The following DYSF variants were observed in gnomAD, a reference collection of about 807,000 sequenced individuals.
The protein encoded by DYSF is dysferlin.
A neutral mutation model predicts 274.9 loss-of-function variants in DYSF; 212 were observed. That is an observed-to-expected ratio of 0.77 (90% CI 0.69 to 0.86). The LOEUF (loss-of-function observed/expected upper bound fraction) is 0.86. Among genes scored for constraint, DYSF ranks in the 40% least tolerant of loss-of-function variants. The probability of loss-of-function intolerance (pLI) is 0.00; values close to 1 mark genes in which losing one functional copy is unlikely to be tolerated. For missense variants in DYSF, 2,666 were observed against 2,783.2 expected, an observed-to-expected ratio of 0.96 and a Z score of 0.95; for synonymous variants, 1,091 against 1,078.7, an observed-to-expected ratio of 1.01 and a Z score of -0.22.
intron 35 of DYSF, among the ~76,000 whole-genome samples, chr2:71,602,063 T>C (rs919277209): frequency 6.6e-6 from 1 of 152,204 alleles, no homozygotes; most frequent in Non-Finnish European, 1.5e-5. Context: ...CAAGACCTCA[T>C]TTTCTTTCCT....
chr2:71,622,019 T>C (rs2094114180), intron 41 of DYSF, among the ~76,000 whole-genome samples: 1 of 141,404 alleles, frequency 7.1e-6, no homozygotes, highest in African/African-American at 2.5e-5. Flanking sequence ...AACTTTTAAC[T>C]ACTCCCTATC....
At chr2:71,629,492 T>C (rs528332534) in intron 41 of DYSF, among the ~76,000 whole-genome samples, 4 of 152,340 alleles carry the variant, frequency 2.6e-5, no homozygotes, top group Admixed American at 2.6e-4. Context: ...TGTGAACTCA[T>C]GTTCCTTGGA....
intron 51 of DYSF, among the ~76,000 whole-genome samples, chr2:71,670,678 G>T (rs888011883): frequency 1.3e-5 from 2 of 152,178 alleles, no homozygotes; most frequent in Admixed American, 6.5e-5. Flanking sequence ...CTCATCTGGG[G>T]CGTCAACTTT....
intron 12 of DYSF, among the ~76,000 whole-genome samples, chr2:71,524,346 T>C (rs975597882): frequency 2.0e-5 from 3 of 152,254 alleles, no homozygotes; most frequent in African/African-American, 7.2e-5. Flanking sequence ...TCTTGCCTAG[T>C]ACGGCAGGTC....
intron 13 of DYSF, 75 bp downstream of exon 13, chr2:71,526,421 C>CTTTGGGG: frequency 1.1e-5 from 3 of 272,068 alleles, no homozygotes; most frequent in Non-Finnish European, 1.3e-5. Flanking sequence ...TGGGCGATGG[C>CTTTGGGG]GGGCGGGGTC....
At chr2:71,500,337 G>A (rs1231383232) in intron 3 of DYSF, among the ~76,000 whole-genome samples, 4 of 152,242 alleles carry the variant, frequency 2.6e-5, no homozygotes, top group East Asian at 3.9e-4. Flanking sequence ...CTTACACTGC[G>A]GGAGAGGCAG....
intron 10 of DYSF, among the ~76,000 whole-genome samples, chr2:71,518,255 ATTTT>A (rs71402988): frequency 1.9e-3 from 261 of 138,832 alleles, no homozygotes; most frequent in African/African-American, 6.0e-3. Flanking sequence ...GACCTGTATG[ATTTT>A]TTTTTTTTTT....
chr2:71,656,193 C>T lies in DYSF; in HGVS notation c.4658C>T (p.Ala1553Val). ...VYDTQLENVE[A>V]FEGLSDFCNT... ...GACACACAGCTGGAGAATGTGGAGG[C>T]CTTTGAGGGCCTGTCTGACTTTTGT... is the stretch of plus-strand genomic sequence containing the variant. Residue 1553 changes from alanine (A) to valine (V), a missense_variant, in exon 43 of 56, where the codon GCC becomes GTC. By Grantham distance (64) the Ala-to-Val change is moderately conservative (BLOSUM62 0). Around this residue, in one of 3 missense-constraint regions of DYSF, gnomAD observed 1,460 missense variants for 1,502.1 expected, o/e 0.97. Coordinates refer to ENST00000410020, the MANE Select transcript of DYSF (RefSeq NM_001130987.2). 6.2e-7 allele frequency: 1 copy of T among 1,614,162 alleles called. No homozygotes were observed. Among genetic ancestry groups the T allele is most frequent in the South Asian group, 1.1e-5 (1 of 91,080 alleles).
chr2:71,553,752 A>AAACCCCCCCCCCCCCACCACCGG, intron 20 of DYSF, 55 bp from the exon 21 acceptor site: 1 of 267,804 alleles, frequency 3.7e-6, no homozygotes, highest in Non-Finnish European at 6.7e-6. Flanking sequence ...TTAGCACCCC[A>AAACCCCCCCCCCCCCACCACCGG]TCCCACCCGC....
intron 41 of DYSF, among the ~76,000 whole-genome samples, chr2:71,622,114 T>C (rs2152897001): frequency 6.9e-6 from 1 of 145,210 alleles, no homozygotes; most frequent in Admixed American, 7.1e-5. Flanking sequence ...TATATGTCCA[T>C]TCAGATGATT....
At chr2:71,584,372 TCCTTCCCCTCCTCCAGGAAG>T (rs1558538305) in intron 30 of DYSF, among the ~76,000 whole-genome samples, 2 of 152,104 alleles carry the variant, frequency 1.3e-5, no homozygotes, top group Admixed American at 1.3e-4. Context: ...TCCAGCACCC[TCCTTCCCCTCCTCCAGGAAG>T]CCTTCCTGAA....
intron 7 of DYSF, among the ~76,000 whole-genome samples, 164 bp from the exon 8 acceptor site, chr2:71,515,458 GA>G (rs1177768548): frequency 1.3e-5 from 2 of 152,172 alleles, no homozygotes; most frequent in African/African-American, 2.4e-5. Context: ...GCCTTGGTGG[GA>G]AAATATGATA....
chr2:71,560,873 G>A (rs946185518), intron 22 of DYSF, among the ~76,000 whole-genome samples: 3 of 152,108 alleles, frequency 2.0e-5, no homozygotes, highest in African/African-American at 7.2e-5. Flanking sequence ...GGTGGGGGCA[G>A]GGCAGCCCCC....
intron 42 of DYSF, among the ~76,000 whole-genome samples, chr2:71,647,498 G>A (rs1453609120): frequency 6.6e-6 from 1 of 152,184 alleles, no homozygotes; most frequent in Non-Finnish European, 1.5e-5. Context: ...GCATAAGTCA[G>A]CATTTTTCCC....
chr2:71,611,176 T>C, intron 36 of DYSF, 69 bp from the exon 37 acceptor site: 2 of 1,170,276 alleles, frequency 1.7e-6, no homozygotes, highest in Non-Finnish European at 2.6e-6. Flanking sequence ...CTATCTGTCC[T>C]TCTCTCTTGT....
chr2:71,516,749 C>T lies in DYSF; in HGVS notation c.952-240C>T, dbSNP rs188200980. On this transcript the variant is annotated intron_variant, in intron 9 of 55. Coordinates refer to ENST00000410020, the MANE Select transcript of DYSF (RefSeq NM_001130987.2). ...GAGTGGATTCCAGCTCTGTCTATGC[C>T]GTGTAGGGATTGTGTTTTCTGTACA... is the stretch of plus-strand genomic sequence containing the variant. 1.1e-3 allele frequency among the ~76,000 whole-genome samples: 173 copies of T among 152,242 alleles called. 4 individuals are homozygous for T. The highest frequency in any genetic ancestry group is 3.2e-4 in the Non-Finnish European group (22 of 68,016).
At chr2:71,585,002 C>T (rs2093018054) in intron 30 of DYSF, among the ~76,000 whole-genome samples, 1 of 152,168 alleles carries the variant, frequency 6.6e-6, no homozygotes. Flanking sequence ...AAACCAGGTA[C>T]CTGCCAAGGA....
Position 71,682,521 on chromosome 2 carries a change from C to G in DYSF, c.6174-9C>G, listed in dbSNP as rs201070766. 2 of 1,614,104 alleles carry G rather than the reference C, an allele frequency of 1.2e-6. No individual in the cohort carries two copies. The highest frequency in any genetic ancestry group is 8.5e-7 in the Non-Finnish European group (1 of 1,180,012). On this transcript the variant is annotated splice_polypyrimidine_tract_variant and intron_variant, in intron 54 of 55. Coordinates refer to ENST00000410020, the MANE Select transcript of DYSF (RefSeq NM_001130987.2). ...GATGCCCAGTTGACCTCCGGGATCT[C>G]GCTTCCAGGCGCCCCGACACCTCCT...
At chr2:71,524,739 C>A (rs1404085586) in intron 12 of DYSF, among the ~76,000 whole-genome samples, 1 of 152,256 alleles carries the variant, frequency 6.6e-6, no homozygotes, top group Non-Finnish European at 1.5e-5. Context: ...AGGGCCTCTG[C>A]ATGAGTTGCC....
Sources: gnomAD v4.1 joint callset for allele counts (sites outside exome capture counted in the v4.1 genomes callset) on GRCh38, gnomAD v4.1.1 for gene constraint, gnomAD v4.1.1 regional missense constraint, MANE v1.5 for transcripts, NCBI Gene and HGNC (gene_info 2026-07-23, HGNC 2026-07-21) for gene names.